Variants in PCM1 observed in about 807,000 individuals in gnomAD.
PCM1 encodes the protein pericentriolar material 1.
PCM1 carries 157 observed loss-of-function variants against 241.9 expected under a neutral mutation model. The observed-to-expected ratio is 0.65, with a 90% confidence interval of 0.57 to 0.74. The LOEUF (loss-of-function observed/expected upper bound fraction) is 0.74. PCM1 is among the 30% of genes least tolerant of loss of function. PCM1 has a pLI of 0.00. For missense variants in PCM1, 3,478 were observed against 2,360.1 expected (o/e 1.47, Z -9.81); for synonymous variants, 1,085 against 784.9 (o/e 1.38, Z -6.39).
chr8:17,944,344 C>G (rs115852873), intron 6 of PCM1, among the ~76,000 whole-genome samples: 4 of 152,116 alleles, frequency 2.6e-5, no homozygotes, highest in African/African-American at 7.2e-5. Flanking sequence ...ACAACTTTAT[C>G]TTCTCTAGGC....
intron 2 of PCM1, among the ~76,000 whole-genome samples, chr8:17,929,227 C>A (rs1009652816): frequency 2.6e-5 from 4 of 152,130 alleles, no homozygotes; most frequent in African/African-American, 9.7e-5. Flanking sequence ...TGTTTGGTTT[C>A]TTATCACATT....
chr8:17,967,469 C>T (rs556040520), intron 21 of PCM1, among the ~76,000 whole-genome samples: 14 of 152,126 alleles, frequency 9.2e-5, no homozygotes, highest in African/African-American at 2.4e-4. Context: ...CCACCGTGCC[C>T]AGCTAATTTT....
rs373496838 is a variant in PCM1 at position 17,962,010 on chromosome 8, C to A, written c.2323-24C>A. On this transcript the variant is annotated intron_variant, in intron 15 of 38. Coordinates refer to ENST00000325083, the MANE Select transcript of PCM1 (RefSeq NM_006197.4). ...ATATAATTGCTTTAATTCCTCATAA[C>A]GTTTTTTGTGAATTCCTTTTTAGCT... is the stretch of plus-strand genomic sequence containing the variant. The A allele has an allele frequency of 9.6e-5, 152 of 1,590,708 alleles. 2 individuals carry two copies. The highest frequency in any genetic ancestry group is 7.6e-4 in the South Asian group (67 of 87,652).
At chr8:18,012,261 C>T (rs984724044) in intron 34 of PCM1, among the ~76,000 whole-genome samples, 5 of 152,140 alleles carry the variant, frequency 3.3e-5, no homozygotes, top group East Asian at 1.9e-4. Context: ...TTCCATTGTC[C>T]GGCATGTCTA....
rs770331019 is a variant in PCM1 at position 18,014,604 on chromosome 8, G to C, written c.5605G>C (p.Val1869Leu). Residue 1869 changes from valine (V) to leucine (L), a missense_variant, in exon 36 of 39, where the codon GTG (valine) becomes CTG (leucine). Physicochemically the swap from Val to Leu is conservative, Grantham distance 32 (BLOSUM62 1). Coordinates refer to ENST00000325083, the MANE Select transcript of PCM1 (RefSeq NM_006197.4). ...GACAGATGACCAAAATAACTGTCCT[G>C]TGAAACCCTGTTACCTCAATATCTT... ...TSKNDQNNCP[V>L]KPCYLNILED... The C allele has an allele frequency of 2.5e-6, 4 of 1,609,528 alleles. No individual in the cohort carries two copies. In the East Asian group the frequency reaches 8.9e-5, roughly 36 times the overall value.
In PCM1 at chr8:17,928,963, C is replaced by T. The variant is rs574708424; in HGVS notation, c.-23+4183C>T. The stretch of plus-strand genomic sequence containing the variant: ...TCCCTCCTTACCAACAAATTGTAAA[C>T]GTACTCAAGATACTTCTATTTTAAT... On this transcript the variant is annotated intron_variant, in intron 2 of 38. Coordinates refer to ENST00000325083, the MANE Select transcript of PCM1 (RefSeq NM_006197.4). Among the ~76,000 whole-genome samples the T allele has an allele frequency of 1.1e-4, 16 of 152,256 alleles. No individual in the cohort carries two copies. In the East Asian group the frequency reaches 1.5e-3, roughly 15 times the overall value.
At chr8:18,005,694 G>T (rs754439894) in intron 29 of PCM1, among the ~76,000 whole-genome samples, 3 of 152,074 alleles carry the variant, frequency 2.0e-5, no homozygotes, top group Non-Finnish European at 4.4e-5. Flanking sequence ...GTTAGGGGGT[G>T]ATGTTAACCC....
At chr8:17,926,153 A>G (rs1287399666) in intron 2 of PCM1, 2 of 152,230 alleles carry the variant, frequency 1.3e-5, no homozygotes, top group African/African-American at 4.8e-5. Context: ...TTACAAAATT[A>G]GTTATAAGAT....
At chr8:17,990,794 G>C (rs756404899) in intron 27 of PCM1, among the ~76,000 whole-genome samples, 1 of 152,080 alleles carries the variant, frequency 6.6e-6, no homozygotes, top group Non-Finnish European at 1.5e-5. Flanking sequence ...TAAAGAAAAG[G>C]ACTTAGCCTT....
intron 34 of PCM1, among the ~76,000 whole-genome samples, chr8:18,012,088 G>A (rs1204905217): frequency 2.6e-5 from 4 of 152,142 alleles, no homozygotes; most frequent in Non-Finnish European, 5.9e-5. Flanking sequence ...TCAAACTCCT[G>A]AGCTCAAGCG....
intron 31 of PCM1, 45 bp downstream of exon 31, chr8:18,009,789 T>TA: frequency 1.7e-6 from 2 of 1,177,152 alleles, no homozygotes; most frequent in Non-Finnish European, 2.3e-6. Context: ...GACACATAAA[T>TA]ACAGTTCTTG....
intron 24 of PCM1, among the ~76,000 whole-genome samples, chr8:17,981,592 G>C (rs1267741205): frequency 6.6e-6 from 1 of 152,054 alleles, no homozygotes; most frequent in Admixed American, 6.5e-5. Flanking sequence ...TAATCTAGTA[G>C]CTTTCATTGA....
intron 27 of PCM1, 26 bp downstream of exon 27, chr8:17,990,005 G>A (rs925703909): frequency 3.9e-5 from 59 of 1,495,066 alleles, no homozygotes; most frequent in Non-Finnish European, 8.9e-6. Flanking sequence ...TATAATCTTA[G>A]AAACAACTTT....
intron 2 of PCM1, among the ~76,000 whole-genome samples, chr8:17,929,380 C>T (rs1340656146): frequency 6.6e-6 from 1 of 152,174 alleles, no homozygotes; most frequent in Non-Finnish European, 1.5e-5. Flanking sequence ...TTCTCTTACT[C>T]TTTATCGTCT....
At chr8:17,938,618 A>G in intron 4 of PCM1, 122 bp from the exon 5 acceptor site, 1 of 668,044 alleles carries the variant, frequency 1.5e-6, no homozygotes, top group Admixed American at 2.7e-5. Context: ...GTCTTAGTGC[A>G]AAGCTCTTTG....
Position 17,993,501 on chromosome 8 carries a change from A to G in PCM1, c.4709A>G (p.Asn1570Ser), listed in dbSNP as rs774643335. 1.3e-6 allele frequency: 2 copies of G among 1,570,822 alleles called. No individual in the cohort carries two copies. Among genetic ancestry groups the G allele is most frequent in the South Asian group, 1.2e-5 (1 of 82,274 alleles). Residue 1570 changes from asparagine (N) to serine (S), a missense_variant, in exon 29 of 39, where the codon AAT becomes AGT. By Grantham distance (46) the Asn-to-Ser change is conservative. Transcript: ENST00000325083. ...AAATTAGAAACTCCCGTTATTGAAA[A>G]TCGTAGTTCACAACAACCTGTAAGT... ...NNLEETPVIE[N>S]RSSQQPVSEV...
At chr8:18,018,872 A>ATGTGTGTGTG (rs1564427691) in intron 36 of PCM1, among the ~76,000 whole-genome samples, 8 of 63,780 alleles carry the variant, frequency 1.3e-4, no homozygotes, top group South Asian at 1.0e-3. Context: ...ATATATATAT[A>ATGTGTGTGTG]TATATATACA....
chr8:17,962,066 CA>C lies in PCM1; in HGVS notation c.2361del (p.Lys787AsnfsTer31). 2.5e-6 allele frequency: 4 copies of C among 1,610,252 alleles called. No individual in the cohort carries two copies. Among genetic ancestry groups the C allele is most frequent in the East Asian group, 2.2e-5 (1 of 44,766 alleles). ...CTGCTAGTGTGGGTAACTGTCCCAC[CA>C]AAAAATATATGCCAGCTGTTACTTC... ...SAASVGNCPTKKYMPAVTSTP... is the reference protein window; with the variant it reads ...SAASVGNCPTXKYMPAVTSTP... On this transcript the variant is annotated frameshift_variant, in exon 16 of 39. Transcript: ENST00000325083. LOFTEE classifies it high-confidence loss of function.
At chr8:17,972,762 T>A (rs1004975612) in intron 23 of PCM1, 75 bp downstream of exon 23, 4 of 857,852 alleles carry the variant, frequency 4.7e-6, no homozygotes, top group Non-Finnish European at 6.9e-6. Context: ...GACATAGATA[T>A]AGTTTCAGTA....
Sources: allele counts gnomAD v4.1 joint callset (sites outside exome capture counted in the v4.1 genomes callset), GRCh38; gene constraint gnomAD v4.1.1; transcripts MANE v1.5; gene names NCBI Gene and HGNC (gene_info 2026-07-23, HGNC 2026-07-21).